Variants in UST observed in about 807,000 individuals in gnomAD.
The protein encoded by UST is uronyl 2-sulfotransferase.
Under a neutral mutation model 45.6 loss-of-function variants are expected in UST, and 21 were observed. That is an observed-to-expected ratio of 0.46 (90% confidence interval 0.33 to 0.66). The LOEUF is 0.66. Ranked by LOEUF, UST falls within the 30% of genes least tolerant of loss-of-function variation. The pLI is 0.02. For missense variants in UST, 463 were observed against 512.4 expected (o/e 0.90, Z 0.93); for synonymous variants, 215 against 200.6 (o/e 1.07, Z -0.61).
chr6:149,019,026 C>G, intron 5 of UST, 113 bp from the exon 6 acceptor site: 1 of 843,914 alleles, frequency 1.2e-6, no homozygotes, highest in South Asian at 1.5e-5. Context: ...TTCTCTTCAT[C>G]TTCTCAAGGC....
rs939876118 is a variant in UST, at chr6:149,033,971, G to A, written c.937+12490G>A. On this transcript the variant is annotated intron_variant, in intron 7 of 7. Coordinates refer to ENST00000367463, the MANE Select transcript of UST (RefSeq NM_005715.3). ...CTAGATGTTTCTTCGGATAATCACC[G>A]CGCTATCTGTAACTAGTATGCACAG... Among the ~76,000 whole-genome samples, 4 of 152,064 alleles carry A rather than the reference G, an allele frequency of 2.6e-5. No homozygotes were observed. The South Asian group carries it at 6.2e-4, about 24-fold the overall frequency.
chr6:148,940,945 G>T (rs1462833561), intron 2 of UST, among the ~76,000 whole-genome samples: 2 of 152,088 alleles, frequency 1.3e-5, no homozygotes, highest in Admixed American at 1.3e-4. Context: ...TTCTGATAAA[G>T]CATAATAGCA....
intron 2 of UST, among the ~76,000 whole-genome samples, chr6:148,908,652 C>T (rs999287905): frequency 2.0e-5 from 3 of 152,092 alleles, no homozygotes; most frequent in Non-Finnish European, 2.9e-5. Flanking sequence ...TGATTAATAT[C>T]AAATTCTCTT....
chr6:148,844,484 C>T (rs1777947736), intron 1 of UST, among the ~76,000 whole-genome samples: 1 of 152,206 alleles, frequency 6.6e-6, no homozygotes, highest in African/African-American at 2.4e-5. Flanking sequence ...ATAATACACA[C>T]ATCTGCTTAA....
At chr6:148,796,803 T>G (rs1462794625) in intron 1 of UST, among the ~76,000 whole-genome samples, 2 of 131,902 alleles carry the variant, frequency 1.5e-5, no homozygotes, top group African/African-American at 5.7e-5. Flanking sequence ...AATTCTTTTT[T>G]TTTTTTTTTT....
At chr6:148,927,741 A>G (rs1399964464) in intron 2 of UST, among the ~76,000 whole-genome samples, 1 of 152,228 alleles carries the variant, frequency 6.6e-6, no homozygotes, top group Non-Finnish European at 1.5e-5. Flanking sequence ...GAGATGTCCT[A>G]TCATATGGTG....
intron 1 of UST, among the ~76,000 whole-genome samples, chr6:148,826,504 A>G (rs1777570098): frequency 6.6e-6 from 1 of 152,108 alleles, no homozygotes; most frequent in Non-Finnish European, 1.5e-5. Context: ...CAAAAATGAC[A>G]TGTACTTTTT....
intron 7 of UST, among the ~76,000 whole-genome samples, chr6:149,042,220 AT>A (rs1470047664): frequency 6.6e-6 from 1 of 152,206 alleles, no homozygotes; most frequent in Non-Finnish European, 1.5e-5. Context: ...AAAAAAAATC[AT>A]TTTAGGCACT....
chr6:148,959,431 G>C (rs1582925139), intron 4 of UST, among the ~76,000 whole-genome samples: 1 of 152,182 alleles, frequency 6.6e-6, no homozygotes, highest in Non-Finnish European at 1.5e-5. Context: ...CACCGTCTCT[G>C]CCTCCTTAAA....
intron 1 of UST, among the ~76,000 whole-genome samples, chr6:148,826,537 GTTC>G (rs1341472132): frequency 1.3e-5 from 2 of 151,414 alleles, no homozygotes; most frequent in East Asian, 3.9e-4. Context: ...TCACAGTTTT[GTTC>G]TTCTTTGAAC....
At chr6:148,983,512 G>A (rs1370808672) in intron 5 of UST, among the ~76,000 whole-genome samples, 2 of 152,166 alleles carry the variant, frequency 1.3e-5, no homozygotes, top group East Asian at 3.8e-4. Flanking sequence ...GAAACATAGA[G>A]GTTATCTCAT....
chr6:148,933,372 A>G (rs1322381386), intron 2 of UST, among the ~76,000 whole-genome samples: 1 of 152,218 alleles, frequency 6.6e-6, no homozygotes, highest in African/African-American at 2.4e-5. Context: ...CATAACAGAT[A>G]GACCCAGATG....
intron 6 of UST, among the ~76,000 whole-genome samples, chr6:149,020,943 A>G (rs1450283400): frequency 3.3e-5 from 5 of 152,220 alleles, no homozygotes; most frequent in Non-Finnish European, 5.9e-5. Flanking sequence ...CAAAACTCCT[A>G]AATTCATTTA....
intron 3 of UST, among the ~76,000 whole-genome samples, chr6:148,953,088 A>G (rs1780398536): frequency 6.6e-6 from 1 of 152,212 alleles, no homozygotes; most frequent in Non-Finnish European, 1.5e-5. Flanking sequence ...TGTTTCCTAC[A>G]GAATATTTTC....
rs141538416 is a variant in UST at position 148,914,276 on chromosome 6, G to A, written c.292-27003G>A. Among the ~76,000 whole-genome samples, 417 of 151,948 alleles carry A rather than the reference G, an allele frequency of 2.7e-3. 3 individuals carry two copies. Among genetic ancestry groups the A allele is most frequent in the African/African-American group, 9.7e-3 (401 of 41,434 alleles). ...AGTCTTAACTTTCATACTCTCATACGAGAGTTCAGAAATCTTACCCGAAAC... is the reference window on the plus strand; with the variant it reads ...AGTCTTAACTTTCATACTCTCATACAAGAGTTCAGAAATCTTACCCGAAAC... On this transcript the variant is annotated intron_variant, in intron 2 of 7. Coordinates refer to ENST00000367463, the MANE Select transcript of UST (RefSeq NM_005715.3).
intron 7 of UST, among the ~76,000 whole-genome samples, chr6:149,072,577 C>T (rs976952295): frequency 5.9e-5 from 9 of 151,366 alleles, no homozygotes; most frequent in Non-Finnish European, 1.2e-4. Flanking sequence ...CACTTGAACC[C>T]GGGAGGTAGA....
chr6:148,863,285 G>A (rs1022492260), intron 1 of UST, among the ~76,000 whole-genome samples: 12 of 151,938 alleles, frequency 7.9e-5, no homozygotes, highest in Non-Finnish European at 8.8e-5. Context: ...CCACTTGATC[G>A]AATTGGCTAC....
chr6:148,772,635 G>A (rs1380281909), intron 1 of UST, among the ~76,000 whole-genome samples: 2 of 151,996 alleles, frequency 1.3e-5, no homozygotes, highest in African/African-American at 4.8e-5. Context: ...TGTTGGTCAG[G>A]CTGGTCTCAA....
At chr6:148,841,793 T>G (rs1012937813) in intron 1 of UST, among the ~76,000 whole-genome samples, 3 of 152,196 alleles carry the variant, frequency 2.0e-5, no homozygotes, top group African/African-American at 7.2e-5. Context: ...TAGCAGTACA[T>G]TAATCATGTG....
Sources: allele counts gnomAD v4.1 joint callset (sites outside exome capture counted in the v4.1 genomes callset), GRCh38; gene constraint gnomAD v4.1.1; transcripts MANE v1.5; gene names NCBI Gene and HGNC (gene_info 2026-07-23, HGNC 2026-07-21).